SH2D1B: variants seen among roughly 807,000 people sequenced by gnomAD.
SH2D1B encodes the protein SH2 domain containing 1B.
Under a neutral mutation model 16.3 loss-of-function variants are expected in SH2D1B, and 11 were observed. That is an observed-to-expected ratio of 0.67 (90% CI 0.42 to 1.11). The LOEUF is 1.11. Among genes scored for constraint, SH2D1B ranks in the 50% most tolerant of loss-of-function variants. SH2D1B has a pLI of 0.00. For missense variants in SH2D1B, 123 were observed against 153.1 expected, an observed-to-expected ratio of 0.80 and a Z score of 1.04; for synonymous variants, 55 against 56.1, an observed-to-expected ratio of 0.98 and a Z score of 0.09.
At chr1:162,410,656 C>CTTTTTTTT (rs66614229) in intron 1 of SH2D1B, among the ~76,000 whole-genome samples, 2 of 129,980 alleles carry the variant, frequency 1.5e-5, no homozygotes, top group Non-Finnish European at 3.3e-5. Flanking sequence ...TTTTCTTTTT[C>CTTTTTTTT]TTTTTTTTTT....
intron 3 of SH2D1B, 108 bp downstream of exon 3, chr1:162,398,815 G>C: frequency 7.6e-7 from 1 of 1,315,334 alleles, no homozygotes; most frequent in South Asian, 1.6e-5. Flanking sequence ...AAGCTTTTTA[G>C]AGATAATGTC....
intron 1 of SH2D1B, among the ~76,000 whole-genome samples, chr1:162,408,937 A>G (rs1000229443): frequency 6.6e-6 from 1 of 151,902 alleles, no homozygotes; most frequent in African/African-American, 2.4e-5. Context: ...GCGAGACCCC[A>G]TGTCTACAAA....
At chr1:162,400,823 C>G (rs1238061628) in intron 2 of SH2D1B, among the ~76,000 whole-genome samples, 1 of 151,940 alleles carries the variant, frequency 6.6e-6, no homozygotes, top group Non-Finnish European at 1.5e-5. Flanking sequence ...GTAGCAGACG[C>G]CTGTAATCCC....
intron 2 of SH2D1B, 96 bp downstream of exon 2, chr1:162,402,643 G>A (rs1353540896): frequency 3.0e-6 from 3 of 1,007,044 alleles, no homozygotes; most frequent in Non-Finnish European, 4.6e-6. Context: ...TTTTTAGAAT[G>A]CTTTCGCACA....
Position 162,395,784 on chromosome 1 carries a change from C to G in SH2D1B, c.*1496G>C, listed in dbSNP as rs865782728. 6.6e-6 allele frequency: 1 copy of G among 152,002 alleles called. No individual in the cohort carries two copies. The highest frequency in any genetic ancestry group is 1.5e-5 in the Non-Finnish European group (1 of 67,992). The allele number at this position is 152,002 out of a possible 1,614,324, so 9.4% of individuals were successfully genotyped here. A position where few individuals can be genotyped will look rare whatever the true frequency, so the allele number is the denominator to read the frequency against. On this transcript the variant is annotated 3_prime_UTR_variant, in exon 4 of 4. Transcript: ENST00000367929. ...ATAGGAATTAATCTAACAGAATATA[C>G]AAGACTTCAGTTGGGAAAATTTATG...
chr1:162,406,324 C>T (rs1446031058), intron 1 of SH2D1B, among the ~76,000 whole-genome samples: 1 of 152,058 alleles, frequency 6.6e-6, no homozygotes, highest in Admixed American at 6.6e-5. Context: ...TTGAAAATAA[C>T]CTAATGTATG....
At chr1:162,406,967 T>A (rs1421138089) in intron 1 of SH2D1B, among the ~76,000 whole-genome samples, 2 of 152,058 alleles carry the variant, frequency 1.3e-5, no homozygotes, top group Non-Finnish European at 2.9e-5. Context: ...CACACTGGAG[T>A]TTTCTAGACA....
At chr1:162,402,633 T>C in intron 2 of SH2D1B, 106 bp downstream of exon 2, 1 of 943,390 alleles carries the variant, frequency 1.1e-6, no homozygotes, top group Admixed American at 2.1e-5. Context: ...TGTGCTTTCC[T>C]TTTTAGAATG....
rs1251781348 is a variant in SH2D1B, at chr1:162,397,173, G to C, written c.*107C>G. On this transcript the variant is annotated 3_prime_UTR_variant, in exon 4 of 4. Coordinates refer to ENST00000367929, the MANE Select transcript of SH2D1B (RefSeq NM_053282.5). ...TTCAGTTACACAACCAGGAGAGTCTGAATTGTCCACTAGAGTTTGGTGCTC... is the reference window on the plus strand; with the variant it reads ...TTCAGTTACACAACCAGGAGAGTCTCAATTGTCCACTAGAGTTTGGTGCTC... 8.1e-7 allele frequency: 1 copy of C among 1,231,760 alleles called. No homozygotes were observed. Among genetic ancestry groups the C allele is most frequent in the African/African-American group, 1.5e-5 (1 of 67,196 alleles). 76.3% of individuals were successfully genotyped at this position (1,231,760 alleles called of 1,614,324 possible). A position where few individuals can be genotyped will look rare whatever the true frequency, so the allele number is the denominator to read the frequency against.
intron 1 of SH2D1B, among the ~76,000 whole-genome samples, chr1:162,406,712 T>G (rs550056083): frequency 6.6e-6 from 1 of 152,346 alleles, no homozygotes; most frequent in Non-Finnish European, 1.5e-5. Flanking sequence ...AATCTGAGAC[T>G]CATAAATGAC....
In SH2D1B at chr1:162,402,412, G is replaced by A. The variant is rs142434128; in HGVS notation, c.198+327C>T. On this transcript the variant is annotated intron_variant, in intron 2 of 3. Transcript: ENST00000367929. ...TGTAGTCCCAGCTACTTGGGGGGGCGGGGGCTGAGGCAGGAGAATCGCTTG... is the reference window on the plus strand; with the variant it reads ...TGTAGTCCCAGCTACTTGGGGGGGCAGGGGCTGAGGCAGGAGAATCGCTTG... 1.6e-3 allele frequency: 280 copies of A among 179,716 alleles called. 5 individuals carry two copies. In the East Asian group the frequency reaches 0.035, roughly 23 times the overall value. 11.1% of individuals were successfully genotyped at this position (179,716 alleles called of 1,614,324 possible).
chr1:162,399,426 C>T (rs570329476), intron 2 of SH2D1B, among the ~76,000 whole-genome samples: 7 of 152,266 alleles, frequency 4.6e-5, no homozygotes, highest in South Asian at 2.1e-4. Context: ...TACCTACAGG[C>T]GGGCTTTGCT....
chr1:162,396,902 G>A lies in SH2D1B; in HGVS notation c.*378C>T, dbSNP rs1648391571. ...ACACAGCCACAGGACTGGAACTCAG[G>A]GCTTCAAACTCACAGACAAGTGTGC... is the stretch of plus-strand genomic sequence containing the variant. On this transcript the variant is annotated 3_prime_UTR_variant, in exon 4 of 4. Coordinates refer to ENST00000367929, the MANE Select transcript of SH2D1B (RefSeq NM_053282.5). 6.0e-6 allele frequency: 1 copy of A among 165,292 alleles called. No individual in the cohort carries two copies. The allele number at this position is 165,292 out of a possible 1,614,324, so 10.2% of individuals were successfully genotyped here. A position where few individuals can be genotyped will look rare whatever the true frequency, so the allele number is the denominator to read the frequency against.
intron 2 of SH2D1B, among the ~76,000 whole-genome samples, chr1:162,401,961 C>T (rs1648527033): frequency 6.6e-6 from 1 of 152,196 alleles, no homozygotes; most frequent in Non-Finnish European, 1.5e-5. Context: ...AAATGTTTTT[C>T]TGCTTAGCTC....
rs34156639 is a variant in SH2D1B, at chr1:162,400,284, T to A, written c.199-1197A>T. The stretch of plus-strand genomic sequence containing the variant: ...TTCTGTTTACCAGCTATACACCACG[T>A]ACTTTTTTTTTTTTTTTTTTTTTTT... On this transcript the variant is annotated intron_variant, in intron 2 of 3. Transcript: ENST00000367929. Among the ~76,000 whole-genome samples, 3 of 138,844 alleles carry A rather than the reference T, an allele frequency of 2.2e-5. No individual in the cohort carries two copies. In the South Asian group the frequency reaches 7.0e-4, roughly 32 times the overall value. The allele number at this position is 138,844 out of a possible 152,430, so 91.1% of individuals were successfully genotyped here.
chr1:162,409,762 A>G (rs1013323608), intron 1 of SH2D1B, among the ~76,000 whole-genome samples: 2 of 150,096 alleles, frequency 1.3e-5, no homozygotes, highest in African/African-American at 4.8e-5. Context: ...TTTTTAGTAG[A>G]TGGGGGTTTC....
chr1:162,397,824 C>T (rs1571270524), intron 3 of SH2D1B, among the ~76,000 whole-genome samples: 1 of 152,240 alleles, frequency 6.6e-6, no homozygotes, highest in African/African-American at 2.4e-5. Context: ...CCAGTCCCAG[C>T]AACTCATCTG....
Position 162,402,402 on chromosome 1 carries a change from T to G in SH2D1B, c.198+337A>C, listed in dbSNP as rs185913243. ...GGCGCGCGCCTGTAGTCCCAGCTAC[T>G]TGGGGGGGCGGGGGCTGAGGCAGGA... On this transcript the variant is annotated intron_variant, in intron 2 of 3. Transcript: ENST00000367929. 5.6e-3 allele frequency: 967 copies of G among 173,908 alleles called. 8 individuals carry two copies. The highest frequency in any genetic ancestry group is 0.02 in the African/African-American group (837 of 41,696). 10.8% of individuals were successfully genotyped at this position (173,908 alleles called of 1,614,324 possible). A position where few individuals can be genotyped will look rare whatever the true frequency, so the allele number is the denominator to read the frequency against.
chr1:162,402,409 G>C (rs190629792), intron 2 of SH2D1B: 415 of 179,704 alleles, frequency 2.3e-3, no homozygotes, highest in Non-Finnish European at 2.9e-3. Flanking sequence ...TACTTGGGGG[G>C]GCGGGGGCTG....
Sources: gnomAD v4.1 joint callset for allele counts (sites outside exome capture counted in the v4.1 genomes callset) on GRCh38, gnomAD v4.1.1 for gene constraint, MANE v1.5 for transcripts, NCBI Gene and HGNC (gene_info 2026-07-23, HGNC 2026-07-21) for gene names.